The following CA10 variants were observed in gnomAD, a reference collection of about 807,000 sequenced individuals.
The protein encoded by CA10 is carbonic anhydrase 10 (inactive).
CA10 carries 14 observed loss-of-function variants against 44.2 expected under a neutral mutation model. That is an observed-to-expected ratio of 0.32 (90% CI 0.21 to 0.50). The LOEUF is 0.50. CA10 is among the 20% of genes least tolerant of loss of function. The pLI, the probability that CA10 is intolerant of heterozygous loss-of-function variation, is 0.99. For missense variants in CA10, 350 were observed against 409.7 expected, an observed-to-expected ratio of 0.85 and a Z score of 1.26; for synonymous variants, 159 against 141.6, an observed-to-expected ratio of 1.12 and a Z score of -0.87.
At chr17:51,984,799 T>C (rs1984773316) in intron 2 of CA10, among the ~76,000 whole-genome samples, 1 of 151,840 alleles carries the variant, frequency 6.6e-6, no homozygotes. Context: ...CAACCTTTCC[T>C]GCTTAAATCA....
At chr17:51,970,079 T>C (rs899846300) in intron 2 of CA10, among the ~76,000 whole-genome samples, 4 of 152,030 alleles carry the variant, frequency 2.6e-5, no homozygotes, top group African/African-American at 7.2e-5. Context: ...CAGGCCAATG[T>C]AGATTTTTAC....
At chr17:52,031,211 A>G (rs1445601105) in intron 2 of CA10, among the ~76,000 whole-genome samples, 8 of 149,644 alleles carry the variant, frequency 5.3e-5, no homozygotes, top group Admixed American at 2.0e-4. Flanking sequence ...GTGCAGTGGC[A>G]TGATCTCAGC....
At chr17:51,704,284 A>G (rs1350600021) in intron 4 of CA10, among the ~76,000 whole-genome samples, 7 of 152,204 alleles carry the variant, frequency 4.6e-5, no homozygotes, top group African/African-American at 1.7e-4. Context: ...TCTATACTAA[A>G]TATGACATAA....
chr17:52,016,737 A>G (rs149970479), intron 2 of CA10, among the ~76,000 whole-genome samples: 13 of 152,092 alleles, frequency 8.5e-5, no homozygotes, highest in African/African-American at 2.7e-4. Context: ...ACATAGTGAA[A>G]CCCTGTCTCT....
chr17:52,010,392 G>T (rs898290469), intron 2 of CA10, among the ~76,000 whole-genome samples: 1 of 151,794 alleles, frequency 6.6e-6, no homozygotes, highest in African/African-American at 2.4e-5. Context: ...AATGTGCTGT[G>T]TGTGTGTATG....
intron 7 of CA10, among the ~76,000 whole-genome samples, chr17:51,634,571 T>C (rs1171340550): frequency 6.6e-6 from 1 of 152,158 alleles, no homozygotes; most frequent in Non-Finnish European, 1.5e-5. Context: ...GTTCATTTCA[T>C]AGAGGTGGGT....
chr17:51,921,590 T>C (rs1329643820), intron 3 of CA10, among the ~76,000 whole-genome samples: 1 of 152,218 alleles, frequency 6.6e-6, no homozygotes, highest in Non-Finnish European at 1.5e-5. Context: ...TTAGTTAACC[T>C]TACTGTCAGC....
chr17:51,631,484 G>T lies in CA10; in HGVS notation c.*100C>A. 8.9e-7 allele frequency: 1 copy of T among 1,118,932 alleles called. No individual in the cohort carries two copies. Among genetic ancestry groups the T allele is most frequent in the Non-Finnish European group, 1.4e-6 (1 of 734,588 alleles). 69.3% of individuals were successfully genotyped at this position (1,118,932 alleles called of 1,614,324 possible). A position where few individuals can be genotyped will look rare whatever the true frequency, so the allele number is the denominator to read the frequency against. On this transcript the variant is annotated 3_prime_UTR_variant, in exon 9 of 9. Coordinates refer to ENST00000451037, the MANE Select transcript of CA10 (RefSeq NM_020178.5). ...AATCCCAAGAATGAATGAGGCTTGG[G>T]GGAAAGAAGGAGAGAGAAGCAAGAA... is the stretch of plus-strand genomic sequence containing the variant.
At chr17:52,099,735 T>C (rs1013529267) in intron 1 of CA10, among the ~76,000 whole-genome samples, 1 of 152,196 alleles carries the variant, frequency 6.6e-6, no homozygotes, top group Admixed American at 6.5e-5. Flanking sequence ...AATGTCATAC[T>C]AACAGATTGA....
At chr17:52,017,451 G>C (rs1986003785) in intron 2 of CA10, among the ~76,000 whole-genome samples, 2 of 152,116 alleles carry the variant, frequency 1.3e-5, no homozygotes, top group South Asian at 4.1e-4. Flanking sequence ...TTGTGTGCTA[G>C]CAAATAACTT....
At chr17:51,807,551 A>G (rs1014189767) in intron 3 of CA10, among the ~76,000 whole-genome samples, 1 of 152,254 alleles carries the variant, frequency 6.6e-6, no homozygotes, top group African/African-American at 2.4e-5. Context: ...TGTCCACCAA[A>G]AGACATAAAA....
chr17:51,776,544 A>T (rs1323485090), intron 3 of CA10, among the ~76,000 whole-genome samples: 1 of 152,200 alleles, frequency 6.6e-6, no homozygotes, highest in East Asian at 1.9e-4. Flanking sequence ...ATGCATTTTT[A>T]ATACAAAGTC....
At chr17:51,862,950 A>G (rs1979379661) in intron 3 of CA10, among the ~76,000 whole-genome samples, 1 of 152,164 alleles carries the variant, frequency 6.6e-6, no homozygotes, top group Non-Finnish European at 1.5e-5. Flanking sequence ...TCTAGACATT[A>G]AGGCTTCAAT....
intron 3 of CA10, among the ~76,000 whole-genome samples, chr17:51,841,459 G>A (rs970675793): frequency 9.9e-5 from 15 of 152,170 alleles, no homozygotes; most frequent in African/African-American, 2.9e-4. Flanking sequence ...AGTGTTTCTG[G>A]TGCACATCTG....
At chr17:51,946,613 G>A (rs903765848) in intron 2 of CA10, among the ~76,000 whole-genome samples, 5 of 152,128 alleles carry the variant, frequency 3.3e-5, no homozygotes, top group Admixed American at 2.0e-4. Flanking sequence ...TCCCTCACCT[G>A]GCATGCCTAC....
At chr17:52,094,961 C>T (rs929150377) in intron 1 of CA10, among the ~76,000 whole-genome samples, 1 of 152,154 alleles carries the variant, frequency 6.6e-6, no homozygotes, top group African/African-American at 2.4e-5. Flanking sequence ...AATAATTTCA[C>T]TCCTAGGTAT....
intron 3 of CA10, among the ~76,000 whole-genome samples, chr17:51,898,670 A>T (rs1257893274): frequency 1.3e-5 from 2 of 152,132 alleles, no homozygotes; most frequent in Non-Finnish European, 2.9e-5. Context: ...CTGTGAATTC[A>T]TCTGGTCCTG....
chr17:51,658,366 C>A (rs1913879086), intron 4 of CA10, among the ~76,000 whole-genome samples: 1 of 152,116 alleles, frequency 6.6e-6, no homozygotes, highest in Admixed American at 6.6e-5. Flanking sequence ...TTGAAGGAAA[C>A]AAAACAAGAT....
intron 2 of CA10, among the ~76,000 whole-genome samples, chr17:52,066,301 T>C (rs979275895): frequency 2.0e-5 from 3 of 152,178 alleles, no homozygotes; most frequent in African/African-American, 7.2e-5. Flanking sequence ...ACTTGTTGAA[T>C]GGCTTTGATC....
Sources: allele counts gnomAD v4.1 joint callset (sites outside exome capture counted in the v4.1 genomes callset), GRCh38; gene constraint gnomAD v4.1.1; transcripts MANE v1.5; gene names NCBI Gene and HGNC (gene_info 2026-07-23, HGNC 2026-07-21).